The following SENP7 variants were observed in gnomAD, a reference collection of about 807,000 sequenced individuals.
SENP7 encodes the protein sentrin-specific protease 7.
Under a neutral mutation model 141.2 loss-of-function variants are expected in SENP7, and 64 were observed. The observed-to-expected ratio is 0.45, with a 90% CI of 0.37 to 0.56. The LOEUF is 0.56. SENP7 is among the 20% of genes least tolerant of loss of function. SENP7 has a pLI of 0.00. For synonymous variants in SENP7, 382 were observed against 426.4 expected (o/e 0.90, Z 1.28); for missense variants, 1,025 against 1,212.2 (o/e 0.85, Z 2.29).
chr3:101,449,254 C>G (rs1261772874), intron 4 of SENP7, among the ~76,000 whole-genome samples: 1 of 152,112 alleles, frequency 6.6e-6, no homozygotes, highest in Non-Finnish European at 1.5e-5. Flanking sequence ...ATTGGTGTAC[C>G]TGAAAGTGAC....
chr3:101,327,263 C>A (rs997903259), intron 23 of SENP7, among the ~76,000 whole-genome samples: 2 of 152,038 alleles, frequency 1.3e-5, no homozygotes, highest in East Asian at 3.9e-4. Context: ...CAAATCTCAT[C>A]TTGAATTGTA....
At chr3:101,400,338 T>C (rs1188452976) in intron 5 of SENP7, among the ~76,000 whole-genome samples, 1 of 152,156 alleles carries the variant, frequency 6.6e-6, no homozygotes, top group Non-Finnish European at 1.5e-5. Context: ...CCTCATTTTA[T>C]TGTGCTTCAC....
In SENP7 at chr3:101,331,563, A is replaced by AAAATAAT. The variant is rs1553690644; in HGVS notation, c.2698+421_2698+422insATTATTT. On this transcript the variant is annotated intron_variant, in intron 19 of 23. Transcript: ENST00000394095. ...TAAAACAAGCAAAAAATGTCAATGGAAATAATAATAATACATGGAATAAAC... is the reference window on the plus strand; with the variant it reads ...TAAAACAAGCAAAAAATGTCAATGGAAAATAATAATAATAATAATACATGGAATAAAC... Among the ~76,000 whole-genome samples the AAAATAAT allele has an allele frequency of 9.9e-4, 149 of 150,356 alleles. 1 individual carries two copies. The highest frequency in any genetic ancestry group is 3.3e-3 in the African/African-American group (135 of 40,884).
chr3:101,492,324 G>A lies in SENP7; in HGVS notation c.186+1549C>T, dbSNP rs998098215. 8.5e-5 allele frequency among the ~76,000 whole-genome samples: 13 copies of A among 152,174 alleles called. 1 individual carries two copies. In the East Asian group the frequency reaches 2.1e-3, roughly 25 times the overall value. ...CAGGAAGCTGAGGCTGCAATGAGCC[G>A]TGAGTGTGCCAGTGCACTCCAGCCT... On this transcript the variant is annotated intron_variant, in intron 3 of 23. Transcript: ENST00000394095.
chr3:101,408,265 G>T (rs925012584), intron 5 of SENP7, among the ~76,000 whole-genome samples: 1 of 152,038 alleles, frequency 6.6e-6, no homozygotes, highest in African/African-American at 2.4e-5. Flanking sequence ...CCAATAACAA[G>T]CAGTGAGATT....
At chr3:101,355,795 T>C (rs1362124271) in intron 11 of SENP7, among the ~76,000 whole-genome samples, 1 of 152,230 alleles carries the variant, frequency 6.6e-6, no homozygotes, top group Non-Finnish European at 1.5e-5. Flanking sequence ...ATAAACTGCT[T>C]TGCGCAAGAT....
chr3:101,371,108 G>A (rs2317743), intron 7 of SENP7, among the ~76,000 whole-genome samples: 60,390 of 151,952 alleles, frequency 0.4, 12,517 homozygotes, highest in Admixed American at 0.54. Flanking sequence ...TGGGCAACAC[G>A]GCAAGACCTT....
chr3:101,433,979 T>G (rs79281115), intron 4 of SENP7, among the ~76,000 whole-genome samples: 1 of 151,724 alleles, frequency 6.6e-6, no homozygotes, highest in Non-Finnish European at 1.5e-5. Context: ...AGCTGCAGAA[T>G]ACATTCTTTT....
chr3:101,446,464 C>G (rs2062900091), intron 4 of SENP7, among the ~76,000 whole-genome samples: 1 of 152,206 alleles, frequency 6.6e-6, no homozygotes, highest in South Asian at 2.1e-4. Context: ...GCAGAATACA[C>G]ATTTTTTTCA....
chr3:101,368,559 C>T (rs2060097953), intron 7 of SENP7, among the ~76,000 whole-genome samples: 1 of 121,066 alleles, frequency 8.3e-6, no homozygotes, highest in Admixed American at 1.1e-4. Context: ...GGGAACATCA[C>T]ACACTGGGCC....
intron 4 of SENP7, among the ~76,000 whole-genome samples, chr3:101,453,430 A>G (rs1206339538): frequency 1.3e-5 from 2 of 152,216 alleles, no homozygotes; most frequent in African/African-American, 2.4e-5. Context: ...TGTTTATTGC[A>G]GCACTATTCA....
intron 4 of SENP7, among the ~76,000 whole-genome samples, chr3:101,432,071 T>C (rs1413633070): frequency 1.3e-5 from 2 of 151,902 alleles, no homozygotes; most frequent in East Asian, 3.9e-4. Flanking sequence ...GCCCTAAAGG[T>C]TGAGTCCCAG....
At chr3:101,483,012 T>C (rs139233156) in intron 3 of SENP7, among the ~76,000 whole-genome samples, 1 of 152,342 alleles carries the variant, frequency 6.6e-6, no homozygotes, top group African/African-American at 2.4e-5. Context: ...GAATTAGTTC[T>C]GCCACTGTGG....
intron 14 of SENP7, among the ~76,000 whole-genome samples, chr3:101,342,237 C>T (rs1448243645): frequency 6.6e-6 from 1 of 152,148 alleles, no homozygotes; most frequent in Non-Finnish European, 1.5e-5. Context: ...ATGTGGCTTT[C>T]TATAGGCCTT....
chr3:101,425,018 C>T (rs961962430), intron 4 of SENP7, among the ~76,000 whole-genome samples: 7 of 152,144 alleles, frequency 4.6e-5, no homozygotes, highest in South Asian at 2.1e-4. Context: ...TCTTGTCCAC[C>T]GCCATGTAAG....
chr3:101,494,440 T>C (rs902618555), intron 2 of SENP7, among the ~76,000 whole-genome samples: 3 of 152,110 alleles, frequency 2.0e-5, no homozygotes, highest in Non-Finnish European at 4.4e-5. Flanking sequence ...AAACACATCA[T>C]ATTATTTTAT....
At chr3:101,384,084 A>G (rs1172015162) in intron 6 of SENP7, among the ~76,000 whole-genome samples, 4 of 152,242 alleles carry the variant, frequency 2.6e-5, no homozygotes, top group African/African-American at 9.6e-5. Flanking sequence ...GAAGCTACCC[A>G]CTGTGGGTCC....
chr3:101,356,277 T>C (rs1185909708), intron 11 of SENP7, among the ~76,000 whole-genome samples: 1 of 151,148 alleles, frequency 6.6e-6, no homozygotes, highest in Non-Finnish European at 1.5e-5. Context: ...TATTCATTTA[T>C]AGAAAAGGTC....
chr3:101,386,832 A>T (rs1400952082), intron 6 of SENP7, among the ~76,000 whole-genome samples: 1 of 152,226 alleles, frequency 6.6e-6, no homozygotes, highest in Non-Finnish European at 1.5e-5. Context: ...ACACATCTTC[A>T]GAGGGTCTGG....
Sources: allele counts gnomAD v4.1 joint callset (sites outside exome capture counted in the v4.1 genomes callset), GRCh38; gene constraint gnomAD v4.1.1; transcripts MANE v1.5; gene names NCBI Gene and HGNC (gene_info 2026-07-23, HGNC 2026-07-21).